DDX19A: variants seen among roughly 807,000 people sequenced by gnomAD.
DDX19A encodes the protein DEAD-box helicase 19A.
DDX19A carries 12 observed loss-of-function variants against 60.6 expected under a neutral mutation model. The observed-to-expected ratio is 0.20, with a 90% CI of 0.13 to 0.32. DDX19A has a LOEUF of 0.32. Ranked by LOEUF, DDX19A falls within the 10% of genes least tolerant of loss-of-function variation. DDX19A has a pLI of 1.00. For synonymous variants in DDX19A, 206 were observed against 218.2 expected, an observed-to-expected ratio of 0.94 and a Z score of 0.49; for missense variants, 337 against 600.6, an observed-to-expected ratio of 0.56 and a Z score of 4.59.
chr16:70,362,646 C>T lies in DDX19A; in HGVS notation c.386+1136C>T, dbSNP rs189371188. ...CATCTAGAGTGCAGTGGTGCAATTA[C>T]AGCCCACTGCAGCCTCGACCTCCTG... On this transcript the variant is annotated intron_variant, in intron 5 of 11. Transcript: ENST00000302243. 1.0e-3 allele frequency among the ~76,000 whole-genome samples: 154 copies of T among 152,120 alleles called. 1 individual carries two copies. The highest frequency in any genetic ancestry group is 2.9e-3 in the African/African-American group (120 of 41,492).
chr16:70,366,919 G>T, intron 9 of DDX19A, 58 bp downstream of exon 9: 1 of 1,599,662 alleles, frequency 6.3e-7, no homozygotes, highest in Non-Finnish European at 8.6e-7. Flanking sequence ...CTCCCCACAG[G>T]GCTCAGGAGG....
chr16:70,352,859 A>T (rs1964065778), intron 2 of DDX19A, among the ~76,000 whole-genome samples: 1 of 149,498 alleles, frequency 6.7e-6, no homozygotes, highest in South Asian at 2.1e-4. Flanking sequence ...GCTGGTCTCG[A>T]ACTCCTGACC....
At chr16:70,360,115 T>C (rs1216802502) in intron 4 of DDX19A, among the ~76,000 whole-genome samples, 1 of 151,818 alleles carries the variant, frequency 6.6e-6, no homozygotes, top group East Asian at 1.9e-4. Flanking sequence ...ACCCTGTTTC[T>C]ACTAAAAATA....
At chr16:70,349,836 GT>G (rs1470711109) in intron 1 of DDX19A, among the ~76,000 whole-genome samples, 1 of 152,194 alleles carries the variant, frequency 6.6e-6, no homozygotes. Flanking sequence ...TTGGTATCTG[GT>G]TCTAAGCATC....
intron 7 of DDX19A, 159 bp from the exon 8 acceptor site, chr16:70,365,920 GCCCACT>G: frequency 1.0e-6 from 1 of 994,734 alleles, no homozygotes; most frequent in Non-Finnish European, 1.5e-6. Context: ...GTGTCATTCT[GCCCACT>G]TCACAGCAGA....
chr16:70,372,130 G>C lies in DDX19A; in HGVS notation c.*144G>C. The stretch of plus-strand genomic sequence containing the variant: ...CCTACCTCACTTCAAATTATGTTTG[G>C]ACTTGACAAAAATAGGTGCAAATGA... On this transcript the variant is annotated 3_prime_UTR_variant, in exon 12 of 12. Coordinates refer to ENST00000302243, the MANE Select transcript of DDX19A (RefSeq NM_018332.5). 1 of 1,373,802 alleles carries C rather than the reference G, an allele frequency of 7.3e-7. No homozygotes were observed. Among genetic ancestry groups the C allele is most frequent in the Non-Finnish European group, 1.0e-6 (1 of 992,506 alleles). The allele number at this position is 1,373,802 out of a possible 1,614,324, so 85.1% of individuals were successfully genotyped here.
intron 9 of DDX19A, among the ~76,000 whole-genome samples, chr16:70,368,779 T>C (rs1490885168): frequency 6.6e-6 from 1 of 152,178 alleles, no homozygotes; most frequent in Non-Finnish European, 1.5e-5. Flanking sequence ...CATTTAGTTG[T>C]CATGTCTCTT....
At chr16:70,355,400 T>C in intron 2 of DDX19A, 85 bp from the exon 3 acceptor site, 2 of 968,244 alleles carry the variant, frequency 2.1e-6, no homozygotes, top group Non-Finnish European at 3.2e-6. Context: ...TAAAATAAAT[T>C]TCAGTGTATT....
chr16:70,361,854 T>G lies in DDX19A; in HGVS notation c.386+344T>G, dbSNP rs1181410709. The stretch of plus-strand genomic sequence containing the variant: ...GAGATTGAGTCCAGCCTGGCCAACA[T>G]GGCAAAACCCTGTCTCTACTAAAAA... On this transcript the variant is annotated intron_variant, in intron 5 of 11. Transcript: ENST00000302243. Among the ~76,000 whole-genome samples, 3 of 151,866 alleles carry G rather than the reference T, an allele frequency of 2.0e-5. No homozygotes were observed. The East Asian group carries it at 5.8e-4, about 29-fold the overall frequency.
intron 5 of DDX19A, among the ~76,000 whole-genome samples, chr16:70,362,756 CT>C (rs2151639520): frequency 6.6e-6 from 1 of 152,096 alleles, no homozygotes; most frequent in Non-Finnish European, 1.5e-5. Flanking sequence ...TTTAAAAAAA[CT>C]TTTTTGTAGT....
chr16:70,362,665 C>T lies in DDX19A; in HGVS notation c.386+1155C>T, dbSNP rs180766444. ...CAATTACAGCCCACTGCAGCCTCGA[C>T]CTCCTGGGCTTAATTAATCCTCTCA... On this transcript the variant is annotated intron_variant, in intron 5 of 11. Transcript: ENST00000302243. 1.7e-3 allele frequency among the ~76,000 whole-genome samples: 252 copies of T among 152,190 alleles called. 2 individuals carry two copies. Among genetic ancestry groups the T allele is most frequent in the Non-Finnish European group, 2.5e-3 (167 of 68,012 alleles).
Position 70,367,769 on chromosome 16 carries a change from C to T in DDX19A, c.1020+908C>T, listed in dbSNP as rs1286605553. ...GTGCATGCCTGTAATCCCAGCTACT[C>T]GGGAGGCTGAGGCAACAGAATCACT... On this transcript the variant is annotated intron_variant, in intron 9 of 11. Coordinates refer to ENST00000302243, the MANE Select transcript of DDX19A (RefSeq NM_018332.5). Among the ~76,000 whole-genome samples the T allele has an allele frequency of 4.0e-5, 6 of 151,650 alleles. No homozygotes were observed. The South Asian group carries it at 1.3e-3, about 32-fold the overall frequency.
Position 70,373,161 on chromosome 16 carries a change from G to A in DDX19A, c.*1175G>A, listed in dbSNP as rs1366743533. 6.6e-6 allele frequency: 1 copy of A among 152,142 alleles called. No homozygotes were observed. Among genetic ancestry groups the A allele is most frequent in the Non-Finnish European group, 1.5e-5 (1 of 68,036 alleles). 9.4% of individuals were successfully genotyped at this position (152,142 alleles called of 1,614,324 possible). On this transcript the variant is annotated 3_prime_UTR_variant, in exon 12 of 12. Coordinates refer to ENST00000302243, the MANE Select transcript of DDX19A (RefSeq NM_018332.5). ...TGAGGTAGGAGGATCGCTTGAGCCT[G>A]GGTAGAGGCTGCTGTGAGCTGAAAT...
At chr16:70,362,956 A>G (rs534079581) in intron 5 of DDX19A, among the ~76,000 whole-genome samples, 10 of 150,568 alleles carry the variant, frequency 6.6e-5, no homozygotes, top group Middle Eastern at 3.4e-3. Flanking sequence ...AGAGGTTGCA[A>G]TGAGCCAAGA....
intron 2 of DDX19A, among the ~76,000 whole-genome samples, chr16:70,351,466 C>A (rs1055299901): frequency 5.9e-5 from 9 of 152,140 alleles, no homozygotes; most frequent in Admixed American, 4.6e-4. Context: ...CTCAGCCTCC[C>A]ACAGTGCTGG....
chr16:70,354,636 A>G (rs778738981), intron 2 of DDX19A, among the ~76,000 whole-genome samples: 20 of 152,090 alleles, frequency 1.3e-4, no homozygotes, highest in South Asian at 1.2e-3. Context: ...AAATTAGTCA[A>G]AATTTCTAGA....
Position 70,346,949 on chromosome 16 carries a change from T to C in DDX19A, c.-43T>C. The C allele has an allele frequency of 6.3e-7, 1 of 1,591,262 alleles. No homozygotes were observed. The highest frequency in any genetic ancestry group is 8.6e-7 in the Non-Finnish European group (1 of 1,167,382). On this transcript the variant is annotated 5_prime_UTR_variant, in exon 1 of 12. Coordinates refer to ENST00000302243, the MANE Select transcript of DDX19A (RefSeq NM_018332.5). ...GGTTAGGGCCCGCGTTGCGACGTGG[T>C]GCAGCGCATATTTTCACAAGTGGGT...
intron 2 of DDX19A, among the ~76,000 whole-genome samples, chr16:70,352,762 A>T (rs1250380131): frequency 2.7e-5 from 4 of 150,106 alleles, no homozygotes; most frequent in African/African-American, 9.8e-5. Context: ...TCAGCCTTCC[A>T]AGTAGCTGGG....
At chr16:70,356,055 TCATAA>T in intron 3 of DDX19A, 52 bp from the exon 4 acceptor site, 1 of 1,607,186 alleles carries the variant, frequency 6.2e-7, no homozygotes, top group Non-Finnish European at 8.5e-7. Context: ...AAGAGTGGCT[TCATAA>T]GCCTGGGGTT....
Sources: gnomAD v4.1 joint callset for allele counts (sites outside exome capture counted in the v4.1 genomes callset) on GRCh38, gnomAD v4.1.1 for gene constraint, MANE v1.5 for transcripts, NCBI Gene and HGNC (gene_info 2026-07-23, HGNC 2026-07-21) for gene names.